Variants in CPNE8 observed in about 807,000 individuals in gnomAD.
CPNE8 encodes copine 8.
Under a neutral mutation model 81.5 loss-of-function variants are expected in CPNE8, and 45 were observed. The ratio of observed to expected loss-of-function variants is 0.55; its 90% CI spans 0.44 to 0.71. CPNE8 has a LOEUF of 0.71. CPNE8 is among the 30% of genes least tolerant of loss of function. The pLI is 0.00. For synonymous variants in CPNE8, 252 were observed against 226.3 expected, an observed-to-expected ratio of 1.11 and a Z score of -1.02; for missense variants, 594 against 672.1, an observed-to-expected ratio of 0.88 and a Z score of 1.28.
chr12:38,791,133 A>T (rs851931), intron 6 of CPNE8, among the ~76,000 whole-genome samples: 122,470 of 151,500 alleles, frequency 0.81, 51,695 homozygotes, highest in Non-Finnish European at 0.93. Context: ...AACTTATTAA[A>T]TAAGATGTAA....
chr12:38,657,933 G>C (rs575186665), intron 19 of CPNE8, among the ~76,000 whole-genome samples: 1 of 152,256 alleles, frequency 6.6e-6, no homozygotes, highest in Non-Finnish European at 1.5e-5. Context: ...AAACCACAAA[G>C]ATGGGGAGAA....
upstream of CPNE8, chr12:38,905,680 G>A: frequency 6.8e-7 from 1 of 1,465,992 alleles, no homozygotes; most frequent in Non-Finnish European, 9.0e-7. Flanking sequence ...GGGGAGGGAA[G>A]GGAGGAGGCG....
intron 1 of CPNE8, among the ~76,000 whole-genome samples, chr12:38,877,722 G>T (rs1944087404): frequency 6.6e-6 from 1 of 152,022 alleles, no homozygotes; most frequent in South Asian, 2.1e-4. Context: ...CTTAAAGGGG[G>T]ATAACTGAAA....
At chr12:38,766,406 C>A (rs1250359997) in intron 8 of CPNE8, among the ~76,000 whole-genome samples, 1 of 152,150 alleles carries the variant, frequency 6.6e-6, no homozygotes, top group Non-Finnish European at 1.5e-5. Context: ...CTTCACTCTG[C>A]AACATTTTTC....
intron 6 of CPNE8, among the ~76,000 whole-genome samples, chr12:38,811,112 A>AGCC (rs1942926407): frequency 6.6e-6 from 1 of 152,160 alleles, no homozygotes; most frequent in African/African-American, 2.4e-5. Flanking sequence ...CATAGCTAAG[A>AGCC]TCATGAGAGC....
chr12:38,853,366 C>T (rs916741482), intron 3 of CPNE8, among the ~76,000 whole-genome samples: 9 of 151,922 alleles, frequency 5.9e-5, no homozygotes, highest in Admixed American at 2.0e-4. Flanking sequence ...TAACTTGTGT[C>T]CTAAAAAGTC....
rs541755285 is a variant in CPNE8, at chr12:38,665,993, C to T, written c.1506+4736G>A. ...TACCAATGTACTGTACTGATAATAA[C>T]GCATTTATTGAGCAACTGGTAGTTG... On this transcript the variant is annotated intron_variant, in intron 19 of 19. Transcript: ENST00000331366. 1.2e-3 allele frequency among the ~76,000 whole-genome samples: 184 copies of T among 152,176 alleles called. 4 individuals are homozygous for T. The South Asian group carries it at 0.014, about 12-fold the overall frequency.
At chr12:38,730,700 C>G (rs554752849) in intron 10 of CPNE8, among the ~76,000 whole-genome samples, 55 of 151,436 alleles carry the variant, frequency 3.6e-4, no homozygotes, top group African/African-American at 1.1e-3. Context: ...AAGTTAGAGA[C>G]TACACTAATA....
intron 5 of CPNE8, 115 bp downstream of exon 5, chr12:38,839,801 T>C (rs1943439662): frequency 2.1e-6 from 2 of 962,466 alleles, no homozygotes; most frequent in East Asian, 3.3e-5. Context: ...TTATTTTCTA[T>C]GACAATCACG....
chr12:38,733,192 A>G (rs1940874764), intron 10 of CPNE8, among the ~76,000 whole-genome samples: 1 of 151,942 alleles, frequency 6.6e-6, no homozygotes, highest in Non-Finnish European at 1.5e-5. Context: ...TCTCAGGCCA[A>G]TTTTGTTATA....
chr12:38,654,473 C>A (rs972261999), intron 19 of CPNE8, among the ~76,000 whole-genome samples: 12 of 143,860 alleles, frequency 8.3e-5, no homozygotes, highest in African/African-American at 3.1e-4. Flanking sequence ...CGAGATCATG[C>A]CACTGCACTC....
intron 5 of CPNE8, among the ~76,000 whole-genome samples, chr12:38,833,119 G>A (rs756583652): frequency 3.3e-5 from 5 of 151,826 alleles, no homozygotes; most frequent in South Asian, 2.1e-4. Flanking sequence ...TTGGGAGGCC[G>A]AGGCGGGCGG....
In CPNE8 at chr12:38,874,525, C is replaced by G. The variant is rs1565657769; in HGVS notation, c.99-14G>C. The G allele has an allele frequency of 1.3e-6, 2 of 1,594,776 alleles. No individual in the cohort carries two copies. Among genetic ancestry groups the G allele is most frequent in the Non-Finnish European group, 1.7e-6 (2 of 1,166,100 alleles). ...TCAAGAAGATTTCTGTTGAATAAAA[C>G]AGAAAATGTTAGCTGGATATAAAAG... is the stretch of plus-strand genomic sequence containing the variant. On this transcript the variant is annotated splice_polypyrimidine_tract_variant and intron_variant, in intron 1 of 19. Transcript: ENST00000331366.
chr12:38,685,600 G>T lies in CPNE8; in HGVS notation c.1161C>A (p.Asn387Lys). Residue 387 changes from asparagine to lysine, a missense_variant, in exon 16 of 20, where the codon AAC becomes AAA. Transcript: ENST00000331366. ...CCCCCTCAATGCCATCACAGTAGGG[G>T]TTTTGAGGATTCCCATTCTGTAGAA... Reference protein sequence around the residue: ...HEFALNGNPQNPYCDGIEGVM... With the variant: ...HEFALNGNPQKPYCDGIEGVM... 1 of 1,612,892 alleles carries T rather than the reference G, an allele frequency of 6.2e-7. No homozygotes were observed. Among genetic ancestry groups the T allele is most frequent in the Non-Finnish European group, 8.5e-7 (1 of 1,179,412 alleles).
At chr12:38,750,629 C>A (rs1275523153) in intron 10 of CPNE8, among the ~76,000 whole-genome samples, 1 of 152,178 alleles carries the variant, frequency 6.6e-6, no homozygotes, top group Admixed American at 6.5e-5. Context: ...CCTGTAGCCC[C>A]TTTGTTTTGG....
At chr12:38,721,980 C>T (rs990302198) in intron 13 of CPNE8, among the ~76,000 whole-genome samples, 3 of 152,108 alleles carry the variant, frequency 2.0e-5, no homozygotes, top group African/African-American at 7.2e-5. Context: ...ATACCTGATT[C>T]ACCCTTGGCA....
chr12:38,773,735 A>AT (rs1396928887), intron 7 of CPNE8, among the ~76,000 whole-genome samples: 1 of 152,138 alleles, frequency 6.6e-6, no homozygotes, highest in Non-Finnish European at 1.5e-5. Context: ...AATACTTTTA[A>AT]TGTTCCCTAA....
chr12:38,705,048 C>A (rs1940071641), intron 13 of CPNE8, among the ~76,000 whole-genome samples: 1 of 149,338 alleles, frequency 6.7e-6, no homozygotes, highest in Non-Finnish European at 1.5e-5. Flanking sequence ...TATAAAAACA[C>A]AAATACATGA....
intron 4 of CPNE8, among the ~76,000 whole-genome samples, chr12:38,845,041 A>C (rs1943534239): frequency 6.6e-6 from 1 of 151,902 alleles, no homozygotes; most frequent in African/African-American, 2.4e-5. Flanking sequence ...GATTTTCCCC[A>C]TGGCAGCAGA....
Sources: gnomAD v4.1 joint callset for allele counts (sites outside exome capture counted in the v4.1 genomes callset) on GRCh38, gnomAD v4.1.1 for gene constraint, MANE v1.5 for transcripts, NCBI Gene and HGNC (gene_info 2026-07-23, HGNC 2026-07-21) for gene names.